Variants in MYO7A observed in about 807,000 individuals in gnomAD.
The protein encoded by MYO7A is myosin VIIA, also known as unconventional myosin-VIIa.
Under a neutral mutation model 263.8 loss-of-function variants are expected in MYO7A, and 210 were observed. The observed-to-expected ratio is 0.80, with a 90% CI of 0.71 to 0.89. The LOEUF is 0.89. Ranked by LOEUF, MYO7A falls within the 40% of genes least tolerant of loss-of-function variation. The pLI, the probability that MYO7A is intolerant of heterozygous loss-of-function variation, is 0.00. For synonymous variants in MYO7A, 1,239 were observed against 1,197.3 expected (o/e 1.03, Z -0.72); for missense variants, 2,820 against 2,968.3 (o/e 0.95, Z 1.16).
intron 44 of MYO7A, chr11:77,210,935 C>T: frequency 1.9e-6 from 1 of 533,872 alleles, no homozygotes. Context: ...CCATGCACTC[C>T]AACTGCCAAC....
In MYO7A at chr11:77,211,145, C is replaced by T. The variant is rs779322571; in HGVS notation, c.6052-7C>T. 1 of 1,564,688 alleles carries T rather than the reference C, an allele frequency of 6.4e-7. No homozygotes were observed. Among genetic ancestry groups the T allele is most frequent in the Non-Finnish European group, 8.7e-7 (1 of 1,153,182 alleles). ...TGCACGCCTGTGACCTGCTCTGTCTCTGACAGGAGTTGCCCAAGTATCTCC... is the reference window on the plus strand; with the variant it reads ...TGCACGCCTGTGACCTGCTCTGTCTTTGACAGGAGTTGCCCAAGTATCTCC... On this transcript the variant is annotated splice_region_variant and splice_polypyrimidine_tract_variant and intron_variant, in intron 44 of 48. Transcript: ENST00000409709.
intron 33 of MYO7A, among the ~76,000 whole-genome samples, 178 bp from the exon 34 acceptor site, chr11:77,198,315 ACT>A (rs1273163936): frequency 6.6e-6 from 1 of 151,698 alleles, no homozygotes; most frequent in Non-Finnish European, 1.5e-5. Context: ...CCAATTGAAC[ACT>A]CTCTTCCTAC....
chr11:77,173,456 G>C (rs955958318), intron 16 of MYO7A, among the ~76,000 whole-genome samples: 14 of 152,224 alleles, frequency 9.2e-5, no homozygotes, highest in African/African-American at 3.4e-4. Context: ...TGGATGGTCA[G>C]TCCACAGCCT....
At chr11:77,201,337 C>T (rs943036917) in intron 35 of MYO7A, 111 bp from the exon 36 acceptor site, 5 of 1,067,378 alleles carry the variant, frequency 4.7e-6, no homozygotes, top group Non-Finnish European at 5.5e-6. Context: ...AAGGTGGAGG[C>T]AGAGTGGCAA....
chr11:77,171,245 T>G (rs1238141868), intron 15 of MYO7A, among the ~76,000 whole-genome samples: 1 of 150,470 alleles, frequency 6.6e-6, no homozygotes, highest in African/African-American at 2.4e-5. Flanking sequence ...TGTGTGTGTG[T>G]TGTGTGTGTG....
At chr11:77,177,694 G>A (rs377344382) in intron 19 of MYO7A, 51 bp downstream of exon 19, 42 of 1,493,320 alleles carry the variant, frequency 2.8e-5, no homozygotes, top group Admixed American at 3.7e-5. Context: ...ACAGGTGTAC[G>A]TGTGGTGTTT....
At chr11:77,206,254 C>T (rs2135740649) in intron 41 of MYO7A, 52 bp downstream of exon 41, 1 of 1,404,848 alleles carries the variant, frequency 7.1e-7, no homozygotes, top group East Asian at 2.4e-5. Flanking sequence ...GGCCGGGCTT[C>T]CTGGGTGGAC....
intron 45 of MYO7A, 28 bp from the exon 46 acceptor site, chr11:77,211,793 C>G (rs1391326578): frequency 2.5e-6 from 4 of 1,586,736 alleles, no homozygotes; most frequent in Non-Finnish European, 3.5e-6. Context: ...CAGGACTGAG[C>G]CCAGCCCTGA....
intron 46 of MYO7A, 76 bp from the exon 47 acceptor site, chr11:77,212,876 C>T (rs1957968021): frequency 8.5e-7 from 1 of 1,175,850 alleles, no homozygotes; most frequent in Non-Finnish European, 1.2e-6. Context: ...CCAGCTGGGG[C>T]CAGGCTTCAT....
At chr11:77,178,252 C>CCGCCCACCTATCCATCCATCCGT (rs1954829646) in intron 19 of MYO7A, among the ~76,000 whole-genome samples, 1 of 21,606 alleles carries the variant, frequency 4.6e-5, no homozygotes, top group African/African-American at 1.8e-4. Flanking sequence ...CATCCATCCA[C>CCGCCCACCTATCCATCCATCCGT]CCGCCCACAC....
At position 77,212,967 on chromosome 11, in the gene MYO7A, A is replaced by G. The variant is rs1388009578; in HGVS notation, c.6370A>G (p.Asn2124Asp). 1.3e-6 allele frequency: 2 copies of G among 1,595,316 alleles called. No homozygotes were observed. The highest frequency in any genetic ancestry group is 1.7e-6 in the Non-Finnish European group (2 of 1,170,538). The change falls in exon 47 of 49, where the codon AAC (asparagine) becomes GAC (aspartate). Residue 2124 changes from asparagine (N) to aspartate (D), a missense_variant. By Grantham distance (23) the Asn-to-Asp change is conservative (BLOSUM62 1). Coordinates refer to ENST00000409709, the MANE Select transcript of MYO7A (RefSeq NM_000260.4). The part of the protein sequence containing the change: ...FFEVKQTTEP[N>D]FPEILLIAIN... ...TTTTTTCTAGCAAACTACGGAGCCA[A>G]ACTTCCCTGAGATCCTCCTAATTGC...
In MYO7A at chr11:77,174,899, G is replaced by C; in HGVS notation, c.2079G>C (p.Lys693Asn). The change falls in exon 17 of 49, where the codon AAG becomes AAC. Residue 693 changes from lysine (K) to asparagine (N), a missense_variant. Coordinates refer to ENST00000409709, the MANE Select transcript of MYO7A (RefSeq NM_000260.4). Reference protein sequence around the residue: ...ERYRVLLPGVKPAYKQGDLRG... With the variant: ...ERYRVLLPGVNPAYKQGDLRG... ...ACCGTGTGCTGCTGCCAGGTGTGAA[G>C]CCGGCCTACAAGCAGGTACAGGGCT... 1 of 1,613,674 alleles carries C rather than the reference G, an allele frequency of 6.2e-7. No homozygotes were observed. The highest frequency in any genetic ancestry group is 8.5e-7 in the Non-Finnish European group (1 of 1,179,832).
intron 14 of MYO7A, 80 bp from the exon 15 acceptor site, chr11:77,165,976 G>A: frequency 1.0e-6 from 1 of 1,004,040 alleles, no homozygotes; most frequent in South Asian, 1.4e-5. Flanking sequence ...GATTTTGAGG[G>A]TCCTCCTGGC....
chr11:77,175,308 C>A, intron 17 of MYO7A, 64 bp from the exon 18 acceptor site: 2 of 1,457,512 alleles, frequency 1.4e-6, no homozygotes, highest in South Asian at 1.2e-5. Flanking sequence ...GCCTCGGGGA[C>A]ACTCCGGAGG....
Position 77,162,204 on chromosome 11 carries a change from A to T in MYO7A, c.1428A>T (p.Glu476Asp). The T allele has an allele frequency of 6.3e-7, 1 of 1,592,954 alleles. No homozygotes were observed. Among genetic ancestry groups the T allele is most frequent in the Non-Finnish European group, 8.6e-7 (1 of 1,169,230 alleles). The change falls in exon 13 of 49, where the codon GAA becomes GAT. Residue 476 changes from glutamate (E) to aspartate (D), a missense_variant. Physicochemically the swap from Glu to Asp is conservative, Grantham distance 45. Transcript: ENST00000409709. ...ACGTGTTCAAGCTGGAGCAGGAGGAATATGACCTGGAGAGCATTGACTGGC... is the reference window on the plus strand; with the variant it reads ...ACGTGTTCAAGCTGGAGCAGGAGGATTATGACCTGGAGAGCATTGACTGGC... ...VRHVFKLEQE[E>D]YDLESIDWLH...
chr11:77,152,826 G>C lies in MYO7A; in HGVS notation c.286-3081G>C, dbSNP rs7105374. ...TGCCTGGCTTCCTGGAGGAGGCATCGTCTCCGCTTGAAACTGAAGGATGAG... is the reference window on the plus strand; with the variant it reads ...TGCCTGGCTTCCTGGAGGAGGCATCCTCTCCGCTTGAAACTGAAGGATGAG... On this transcript the variant is annotated intron_variant, in intron 4 of 48. Coordinates refer to ENST00000409709, the MANE Select transcript of MYO7A (RefSeq NM_000260.4). Among the ~76,000 whole-genome samples, 14 of 151,700 alleles carry C rather than the reference G, an allele frequency of 9.2e-5. No individual in the cohort carries two copies. The East Asian group carries it at 9.7e-4, about 11-fold the overall frequency.
chr11:77,159,476 GA>G lies in MYO7A; in HGVS notation c.1034del (p.Glu345GlyfsTer17). 6.2e-7 allele frequency: 1 copy of G among 1,611,840 alleles called. No individual in the cohort carries two copies. The highest frequency in any genetic ancestry group is 8.5e-7 in the Non-Finnish European group (1 of 1,179,704). On this transcript the variant is annotated frameshift_variant, in exon 10 of 49. Transcript: ENST00000409709. LOFTEE classifies it high-confidence loss of function. ...ARTFENLDAC[E>X]VLFSPSLATA... Reference sequence around the variant, plus strand: ...CACATTTGAAAACCTGGATGCCTGTGAGGTTCTCTTCTCCCCATCGCTGGCC... The same window carrying G: ...CACATTTGAAAACCTGGATGCCTGTGGGTTCTCTTCTCCCCATCGCTGGCC...
At position 77,160,954 on chromosome 11, in the gene MYO7A, G is replaced by A. The variant is rs1952937011; in HGVS notation, c.1201-19G>A. 1 of 1,582,608 alleles carries A rather than the reference G, an allele frequency of 6.3e-7. No homozygotes were observed. The highest frequency in any genetic ancestry group is 2.3e-5 in the East Asian group (1 of 42,746). On this transcript the variant is annotated intron_variant, in intron 11 of 48. Transcript: ENST00000409709. ...GGGGAGGGTGTGGCTGGTGCCAGTG[G>A]CTGATCACTGCCTTTCAGGGGATCT...
At chr11:77,157,103 C>G in intron 7 of MYO7A, 99 bp downstream of exon 7, 19 of 1,518,534 alleles carry the variant, frequency 1.3e-5, no homozygotes, top group Non-Finnish European at 1.5e-5. Context: ...ATTGCTCCCC[C>G]ACCTGCCCGT....
Sources: allele counts gnomAD v4.1 joint callset (sites outside exome capture counted in the v4.1 genomes callset), GRCh38; gene constraint gnomAD v4.1.1; transcripts MANE v1.5; gene names NCBI Gene and HGNC (gene_info 2026-07-23, HGNC 2026-07-21).